The following VPS13B variants were observed in gnomAD, a reference collection of about 807,000 sequenced individuals.
VPS13B encodes intermembrane lipid transfer protein VPS13B.
A neutral mutation model predicts 426.4 loss-of-function variants in VPS13B; 285 were observed. The ratio of observed to expected loss-of-function variants is 0.67; its 90% CI spans 0.61 to 0.74. VPS13B has a LOEUF of 0.74. Ranked by LOEUF, VPS13B falls within the 30% of genes least tolerant of loss-of-function variation. The pLI, the probability that VPS13B is intolerant of heterozygous loss-of-function variation, is 0.00. For missense variants in VPS13B, 4,537 were observed against 4,782.6 expected, an observed-to-expected ratio of 0.95 and a Z score of 1.51; for synonymous variants, 1,676 against 1,676.4, an observed-to-expected ratio of 1.00 and a Z score of 0.01.
At chr8:99,665,257 AT>A (rs1830437497) in intron 35 of VPS13B, among the ~76,000 whole-genome samples, 1 of 151,990 alleles carries the variant, frequency 6.6e-6, no homozygotes, top group South Asian at 2.1e-4. Flanking sequence ...ATTTTCTCCC[AT>A]TCTGTAGGTT....
chr8:99,189,849 C>T (rs1199242212), intron 16 of VPS13B, among the ~76,000 whole-genome samples: 1 of 152,096 alleles, frequency 6.6e-6, no homozygotes, highest in Non-Finnish European at 1.5e-5. Flanking sequence ...ATGATTTCAG[C>T]CTTTTTCATT....
At chr8:99,686,500 T>C (rs1332524331) in intron 35 of VPS13B, among the ~76,000 whole-genome samples, 2 of 151,696 alleles carry the variant, frequency 1.3e-5, no homozygotes, top group East Asian at 3.9e-4. Flanking sequence ...GGGCCTGGAG[T>C]CAGAAACCTT....
In VPS13B at chr8:99,776,962, C is replaced by G; in HGVS notation, c.7429+6C>G. ...CCTTGACCAACTAGGCACAGGTACT[C>G]TTTTTTTTAGCATCAGAATAACATC... On this transcript the variant is annotated splice_donor_region_variant and intron_variant, in intron 41 of 61. Coordinates refer to ENST00000357162, the MANE Select transcript of VPS13B (RefSeq NM_152564.5). 6.2e-7 allele frequency: 1 copy of G among 1,611,924 alleles called. No individual in the cohort carries two copies. The highest frequency in any genetic ancestry group is 8.5e-7 in the Non-Finnish European group (1 of 1,178,228).
chr8:99,851,220 A>G (rs1236535320), intron 55 of VPS13B, among the ~76,000 whole-genome samples: 1 of 152,232 alleles, frequency 6.6e-6, no homozygotes, highest in Non-Finnish European at 1.5e-5. Flanking sequence ...AGAAAGGTAC[A>G]AGTATTTCTT....
At chr8:99,523,034 A>G (rs187540696) in intron 30 of VPS13B, among the ~76,000 whole-genome samples, 38 of 152,302 alleles carry the variant, frequency 2.5e-4, no homozygotes, top group Admixed American at 5.2e-4. Context: ...ACTAGATGCA[A>G]AAGTCCACAT....
rs1441366741 is a variant in VPS13B, at chr8:99,641,943, C to A, written c.5353C>A (p.Gln1785Lys). Residue 1785 changes from glutamine (Q) to lysine (K), a missense_variant, in exon 34 of 62, where the codon CAG becomes AAG. Gln to Lys is a moderately conservative substitution (Grantham distance 53). Coordinates refer to ENST00000357162, the MANE Select transcript of VPS13B (RefSeq NM_152564.5). Reference protein sequence around the residue: ...SVKIRIVQIEQHSGASQHRIA... With the variant: ...SVKIRIVQIEKHSGASQHRIA... ...TAAAATCAGAATAGTGCAAATAGAG[C>A]AGCACAGTGGTGCCAGTCAGCATCG... 2 of 1,613,978 alleles carry A rather than the reference C, an allele frequency of 1.2e-6. No homozygotes were observed. Among genetic ancestry groups the A allele is most frequent in the Non-Finnish European group, 1.7e-6 (2 of 1,180,020 alleles).
At chr8:99,066,428 G>C (rs80270207) in intron 3 of VPS13B, among the ~76,000 whole-genome samples, 112,707 of 151,996 alleles carry the variant, frequency 0.74, 42,453 homozygotes, top group South Asian at 0.87. Context: ...ATAAATGGTG[G>C]TGGGAAAACT....
chr8:99,410,421 C>A (rs1815570210), intron 21 of VPS13B, among the ~76,000 whole-genome samples: 1 of 152,028 alleles, frequency 6.6e-6, no homozygotes, highest in South Asian at 2.1e-4. Context: ...GTCTGCTAGT[C>A]CTTCTGTCTT....
rs555730019 is a variant in VPS13B, at chr8:99,875,843, G to C, written c.*177G>C. The C allele has an allele frequency of 1.6e-5, 13 of 794,222 alleles. No individual in the cohort carries two copies. The highest frequency in any genetic ancestry group is 2.5e-5 in the Admixed American group (1 of 39,606). 49.2% of individuals were successfully genotyped at this position (794,222 alleles called of 1,614,324 possible). On this transcript the variant is annotated 3_prime_UTR_variant, in exon 62 of 62. Coordinates refer to ENST00000357162, the MANE Select transcript of VPS13B (RefSeq NM_152564.5). Reference sequence around the variant, plus strand: ...CTGCCACCATAAAGGGCTGCATTTTGCCACCATAAAGGGCTGCATTTTTTT... The same window carrying C: ...CTGCCACCATAAAGGGCTGCATTTTCCCACCATAAAGGGCTGCATTTTTTT...
intron 17 of VPS13B, chr8:99,233,322 C>T: frequency 9.2e-7 from 1 of 1,084,802 alleles, no homozygotes; most frequent in Non-Finnish European, 1.4e-6. Context: ...GGGCTTCCAG[C>T]TTCACTTCTT....
Position 99,046,173 on chromosome 8 carries a change from A to T in VPS13B, c.291+7607A>T, listed in dbSNP as rs544113148. On this transcript the variant is annotated intron_variant, in intron 3 of 61. Coordinates refer to ENST00000357162, the MANE Select transcript of VPS13B (RefSeq NM_152564.5). ...TTCACAATATTGATTCTACCCATCC[A>T]TGAGCATGAGATGTGTTTCCATTTG... 4.7e-4 allele frequency among the ~76,000 whole-genome samples: 71 copies of T among 152,306 alleles called. 1 individual carries two copies. Among genetic ancestry groups the T allele is most frequent in the African/African-American group, 1.7e-3 (69 of 41,568 alleles).
At chr8:99,474,741 G>T (rs1383765296) in intron 24 of VPS13B, among the ~76,000 whole-genome samples, 1 of 152,142 alleles carries the variant, frequency 6.6e-6, no homozygotes, top group African/African-American at 2.4e-5. Flanking sequence ...TACACCGCTT[G>T]TGAGAATGTA....
rs144919799 is a variant in VPS13B at position 99,872,375 on chromosome 8, C to G, written c.11745+678C>G. On this transcript the variant is annotated intron_variant, in intron 61 of 61. Coordinates refer to ENST00000357162, the MANE Select transcript of VPS13B (RefSeq NM_152564.5). ...TTTCCCACAGGATAGTTTCCCACCC[C>G]CTGAGTACCACAGAATCCCCCCTGG... Among the ~76,000 whole-genome samples, 8 of 152,306 alleles carry G rather than the reference C, an allele frequency of 5.3e-5. No individual in the cohort carries two copies. In the East Asian group the frequency reaches 1.4e-3, roughly 26 times the overall value.
At chr8:99,244,976 AC>A (rs1476419627) in intron 17 of VPS13B, among the ~76,000 whole-genome samples, 3 of 152,190 alleles carry the variant, frequency 2.0e-5, no homozygotes, top group African/African-American at 7.2e-5. Context: ...TTTGTTATCT[AC>A]CAGAGCTTAT....
In VPS13B at chr8:99,779,002, C is replaced by G. The variant is rs774362514; in HGVS notation, c.7750C>G (p.Leu2584Val). Reference sequence around the variant, plus strand: ...CCTTGGACAGCATGTAGTCCATTCACTAAACACTGCAATACAAGCTTGGCA... The same window carrying G: ...CCTTGGACAGCATGTAGTCCATTCAGTAAACACTGCAATACAAGCTTGGCA... ...VNLGQHVVHSLNTAIQAWQQN... is the reference protein window; with the variant it reads ...VNLGQHVVHSVNTAIQAWQQN... Residue 2584 changes from leucine to valine, a missense_variant, in exon 42 of 62, where the codon CTA becomes GTA. Leu to Val is a conservative substitution (Grantham distance 32, BLOSUM62 1). Around this residue, in one of 2 missense-constraint regions of VPS13B, gnomAD observed 4,311 missense variants for 4,474.3 expected, o/e 0.96. Transcript: ENST00000357162. 1 of 1,613,684 alleles carries G rather than the reference C, an allele frequency of 6.2e-7. No homozygotes were observed.
intron 36 of VPS13B, among the ~76,000 whole-genome samples, chr8:99,707,379 T>C (rs894444297): frequency 3.3e-5 from 5 of 152,128 alleles, no homozygotes; most frequent in African/African-American, 1.2e-4. Flanking sequence ...AATTAAGTGC[T>C]CAGTAAATAT....
At chr8:99,350,813 AATATGAATTATATATG>A (rs1308218240) in intron 19 of VPS13B, among the ~76,000 whole-genome samples, 1 of 151,530 alleles carries the variant, frequency 6.6e-6, no homozygotes, top group Non-Finnish European at 1.5e-5. Context: ...TATAATATGC[AATATGAATTATATATG>A]ATATGAATTA....
chr8:99,868,472 C>T lies in VPS13B; in HGVS notation c.11392+7C>T, dbSNP rs759898701. On this transcript the variant is annotated splice_region_variant and intron_variant, in intron 59 of 61. Coordinates refer to ENST00000357162, the MANE Select transcript of VPS13B (RefSeq NM_152564.5). ...GTGTCACAGACTGGCTATGGTAAGT[C>T]GGTGGAAAACCCATCAGGCCAACCC... is the stretch of plus-strand genomic sequence containing the variant. The T allele has an allele frequency of 4.4e-6, 7 of 1,605,596 alleles. No individual in the cohort carries two copies. The highest frequency in any genetic ancestry group is 2.7e-5 in the African/African-American group (2 of 74,766).
At chr8:99,052,950 C>A (rs1475249439) in intron 3 of VPS13B, among the ~76,000 whole-genome samples, 2 of 151,932 alleles carry the variant, frequency 1.3e-5, no homozygotes, top group Non-Finnish European at 2.9e-5. Context: ...TGCTAGCGGT[C>A]TATCAATTTT....
Sources: allele counts gnomAD v4.1 joint callset (sites outside exome capture counted in the v4.1 genomes callset), GRCh38; gene constraint gnomAD v4.1.1; regional missense constraint gnomAD v4.1.1; transcripts MANE v1.5; gene names NCBI Gene and HGNC (gene_info 2026-07-23, HGNC 2026-07-21).